Variants in ANKRD1 observed in about 807,000 individuals in gnomAD.
ANKRD1 encodes the protein ankyrin repeat domain-containing protein 1.
In ANKRD1, 32 loss-of-function variants were observed where a neutral mutation model predicts 40.1. The observed-to-expected ratio is 0.80, with a 90% confidence interval of 0.60 to 1.07. ANKRD1 has a LOEUF of 1.07. Among genes scored for constraint, ANKRD1 ranks in the 50% least tolerant of loss-of-function variants. The probability of loss-of-function intolerance (pLI) is 0.00; values close to 1 mark genes in which losing one functional copy is unlikely to be tolerated. For synonymous variants in ANKRD1, 149 were observed against 141.2 expected (o/e 1.06, Z -0.39); for missense variants, 359 against 386.0 (o/e 0.93, Z 0.59).
At chr10:90,920,129 C>T (rs1564574955) in intron 2 of ANKRD1, 40 bp downstream of exon 2, 9 of 1,611,734 alleles carry the variant, frequency 5.6e-6, no homozygotes, top group Non-Finnish European at 6.8e-6. Flanking sequence ...CCTACCCCAG[C>T]CCCAACATCC....
Position 90,912,291 on chromosome 10 carries a change from T to TAAAAAAAAAAAAAAAAAAAAAAAAAAAAA in ANKRD1, c.*546_*574dup, listed in dbSNP as rs71025330. On this transcript the variant is annotated 3_prime_UTR_variant, in exon 9 of 9. Transcript: ENST00000371697. ...TCACTTGGGTACTCTGTGTACTCGG[T>TAAAAAAAAAAAAAAAAAAAAAAAAAAAAA]AAAAAAAAAAAAAAAAAAAAAAAAA... 5 of 70,628 alleles carry TAAAAAAAAAAAAAAAAAAAAAAAAAAAAA rather than the reference T, an allele frequency of 7.1e-5. No homozygotes were observed. The highest frequency in any genetic ancestry group is 3.8e-4 in the Admixed American group (2 of 5,314). 4.4% of individuals were successfully genotyped at this position (70,628 alleles called of 1,614,324 possible). A position where few individuals can be genotyped will look rare whatever the true frequency, so the allele number is the denominator to read the frequency against.
intron 7 of ANKRD1, 40 bp from the exon 8 acceptor site, chr10:90,915,681 G>A: frequency 6.2e-7 from 1 of 1,608,678 alleles, no homozygotes; most frequent in South Asian, 1.1e-5. Context: ...TGGGTCTGAG[G>A]CCAGGAAGTG....
intron 8 of ANKRD1, among the ~76,000 whole-genome samples, chr10:90,913,914 G>T (rs1324644827): frequency 6.6e-6 from 1 of 152,138 alleles, no homozygotes; most frequent in Non-Finnish European, 1.5e-5. Context: ...ACATAGACTG[G>T]GTTGGGGAAG....
chr10:90,915,847 T>G lies in ANKRD1; in HGVS notation c.685A>C (p.Thr229Pro). 2 of 1,613,218 alleles carry G rather than the reference T, an allele frequency of 1.2e-6. No homozygotes were observed. Among genetic ancestry groups the G allele is most frequent in the Non-Finnish European group, 1.7e-6 (2 of 1,179,910 alleles). ...LSTALHVAVR[T>P]GHYECAEHLI... ...TGCTCCGCGCACTCATAGTGGCCAGTCCTCACCGCCACATGCAGCGCTGTG... is the reference window on the plus strand; with the variant it reads ...TGCTCCGCGCACTCATAGTGGCCAGGCCTCACCGCCACATGCAGCGCTGTG... Residue 229 changes from threonine to proline, a missense_variant, in exon 7 of 9, where the codon ACT becomes CCT. Coordinates refer to ENST00000371697, the MANE Select transcript of ANKRD1 (RefSeq NM_014391.3).
Position 90,919,245 on chromosome 10 carries a change from T to C in ANKRD1, c.231A>G (p.Gln77=). ...CTTCTAAATTTTCAAGCTTTGATCT[T>C]TGTTCTAGTTTTTTCTTTTTGAGCT... ...EAELKKKKLE[Q]RSKLENLEDL... The change falls in exon 3 of 9, where the codon CAA becomes CAG. Residue 77 remains glutamine, a synonymous_variant. Transcript: ENST00000371697. The C allele has an allele frequency of 6.2e-7, 1 of 1,607,446 alleles. No individual in the cohort carries two copies. Among genetic ancestry groups the C allele is most frequent in the East Asian group, 2.2e-5 (1 of 44,728 alleles).
chr10:90,914,720 T>TCCCCC (rs55919759), intron 8 of ANKRD1, among the ~76,000 whole-genome samples: 2 of 79,734 alleles, frequency 2.5e-5, no homozygotes, highest in Non-Finnish European at 4.7e-5. Flanking sequence ...TGAGTTTCCC[T>TCCCCC]CCCCCCCCCC....
chr10:90,920,881 C>T, intron 1 of ANKRD1, 120 bp downstream of exon 1: 2 of 944,238 alleles, frequency 2.1e-6, no homozygotes, highest in Non-Finnish European at 3.3e-6. Context: ...AACCTTTTTC[C>T]ATATATGACA....
At position 90,912,289 on chromosome 10, in the gene ANKRD1, G is replaced by T. The variant is rs1201044346; in HGVS notation, c.*577C>A. 8.4e-5 allele frequency: 2 copies of T among 23,676 alleles called. No individual in the cohort carries two copies. The highest frequency in any genetic ancestry group is 3.4e-4 in the African/African-American group (2 of 5,934). The allele number at this position is 23,676 out of a possible 1,614,324, so 1.5% of individuals were successfully genotyped here. Reference sequence around the variant, plus strand: ...CTTCACTTGGGTACTCTGTGTACTCGGTAAAAAAAAAAAAAAAAAAAAAAA... The same window carrying T: ...CTTCACTTGGGTACTCTGTGTACTCTGTAAAAAAAAAAAAAAAAAAAAAAA... On this transcript the variant is annotated 3_prime_UTR_variant, in exon 9 of 9. Transcript: ENST00000371697.
chr10:90,913,577 A>G (rs1847339688), intron 8 of ANKRD1, among the ~76,000 whole-genome samples: 2 of 152,168 alleles, frequency 1.3e-5, no homozygotes, highest in African/African-American at 2.4e-5. Flanking sequence ...TTTTGAGACG[A>G]AATTTTGATT....
intron 8 of ANKRD1, among the ~76,000 whole-genome samples, chr10:90,913,238 T>G (rs770226995): frequency 6.6e-6 from 1 of 152,236 alleles, no homozygotes; most frequent in Non-Finnish European, 1.5e-5. Context: ...CTAGACACTA[T>G]GTGTCAAGAG....
At chr10:90,916,338 A>G (rs1332151952) in intron 5 of ANKRD1, 69 bp from the exon 6 acceptor site, 5 of 1,163,098 alleles carry the variant, frequency 4.3e-6, no homozygotes, top group East Asian at 4.7e-5. Context: ...CCTGGTTGCT[A>G]GGGCATCCGT....
intron 5 of ANKRD1, among the ~76,000 whole-genome samples, chr10:90,916,943 G>T (rs1847379799): frequency 6.6e-6 from 1 of 152,076 alleles, no homozygotes; most frequent in Non-Finnish European, 1.5e-5. Context: ...AACGTGTATA[G>T]TTACCCCTAG....
Position 90,915,815 on chromosome 10 carries a change from G to T in ANKRD1, c.717C>A (p.Ile239=), listed in dbSNP as rs1300534211. The T allele has an allele frequency of 8.1e-6, 13 of 1,613,794 alleles. No individual in the cohort carries two copies. Among genetic ancestry groups the T allele is most frequent in the Non-Finnish European group, 1.1e-5 (13 of 1,179,952 alleles). The stretch of plus-strand genomic sequence containing the variant: ...TGGCGTTGAGGTCTGCCTCACAGGC[G>T]ATAAGATGCTCCGCGCACTCATAGT... ...TGHYECAEHL[I]ACEADLNAKD... Residue 239 remains isoleucine (I), a synonymous_variant, in exon 7 of 9, where the codon ATC becomes ATA. Coordinates refer to ENST00000371697, the MANE Select transcript of ANKRD1 (RefSeq NM_014391.3).
At chr10:90,913,206 G>A (rs1049567215) in intron 8 of ANKRD1, among the ~76,000 whole-genome samples, 1 of 152,174 alleles carries the variant, frequency 6.6e-6, no homozygotes, top group Admixed American at 6.5e-5. Context: ...ACCATCCCAG[G>A]TATTGGTAAA....
At position 90,915,657 on chromosome 10, in the gene ANKRD1, C is replaced by A. The variant is rs1261236986; in HGVS notation, c.751-16G>T. The A allele has an allele frequency of 3.7e-6, 6 of 1,612,816 alleles. No homozygotes were observed. The African/African-American group carries it at 6.7e-5, about 18-fold the overall frequency. Reference sequence around the variant, plus strand: ...TATCTCCTTCCTAGAGAAGCAGAGTCAACAGGTTCAAGGTGGGTCTGAGGC... The same window carrying A: ...TATCTCCTTCCTAGAGAAGCAGAGTAAACAGGTTCAAGGTGGGTCTGAGGC... On this transcript the variant is annotated splice_polypyrimidine_tract_variant and intron_variant, in intron 7 of 8. Coordinates refer to ENST00000371697, the MANE Select transcript of ANKRD1 (RefSeq NM_014391.3).
Position 90,914,229 on chromosome 10 carries a change from T to G in ANKRD1, c.850-1253A>C, listed in dbSNP as rs574566641. 3.3e-5 allele frequency among the ~76,000 whole-genome samples: 5 copies of G among 152,322 alleles called. No homozygotes were observed. In the East Asian group the frequency reaches 9.6e-4, roughly 29 times the overall value. ...ATCTTTGGGGGAAACATCAATCCAT[T>G]GGGTCAATGACATTAATAGTTCCAT... On this transcript the variant is annotated intron_variant, in intron 8 of 8. Coordinates refer to ENST00000371697, the MANE Select transcript of ANKRD1 (RefSeq NM_014391.3).
rs116844452 is a variant in ANKRD1, at chr10:90,916,474, C to T, written c.553-205G>A. 2.8e-4 allele frequency among the ~76,000 whole-genome samples: 43 copies of T among 152,138 alleles called. No homozygotes were observed. In the East Asian group the frequency reaches 7.1e-3, roughly 25 times the overall value. On this transcript the variant is annotated intron_variant, in intron 5 of 8. Transcript: ENST00000371697. ...TGCATATGTGTGTCTTATTAGGAGG[C>T]TCTTAATAAATCTAATAATGTTTTA...
In ANKRD1 at chr10:90,917,958, T is replaced by A. The variant is rs1162631228; in HGVS notation, c.454-128A>T. 5 of 729,986 alleles carry A rather than the reference T, an allele frequency of 6.8e-6. No homozygotes were observed. The Admixed American group carries it at 1.3e-4, about 19-fold the overall frequency. The allele number at this position is 729,986 out of a possible 1,614,324, so 45.2% of individuals were successfully genotyped here. ...AGAAACTCAAGTGCTTCTTTATGAA[T>A]AGAAATGTCAAAGTTAACTAAAATT... On this transcript the variant is annotated intron_variant, in intron 4 of 8. Transcript: ENST00000371697.
At chr10:90,913,916 T>A (rs1170147278) in intron 8 of ANKRD1, among the ~76,000 whole-genome samples, 1 of 152,140 alleles carries the variant, frequency 6.6e-6, no homozygotes, top group African/African-American at 2.4e-5. Flanking sequence ...ATAGACTGGG[T>A]TGGGGAAGGG....
Sources: allele counts gnomAD v4.1 joint callset (sites outside exome capture counted in the v4.1 genomes callset), GRCh38; gene constraint gnomAD v4.1.1; transcripts MANE v1.5; gene names NCBI Gene and HGNC (gene_info 2026-07-23, HGNC 2026-07-21).